The following TBC1D9 variants were observed in gnomAD, a reference collection of about 807,000 sequenced individuals.
The protein encoded by TBC1D9 is TBC1 domain family member 9.
In TBC1D9, 63 loss-of-function variants were observed where a neutral mutation model predicts 132.0. The observed-to-expected ratio is 0.48, with a 90% CI of 0.39 to 0.59. The LOEUF is 0.59. TBC1D9 is among the 20% of genes least tolerant of loss of function. The pLI is 0.00. For synonymous variants in TBC1D9, 610 were observed against 609.9 expected (o/e 1.00, Z 0.00); for missense variants, 1,261 against 1,592.7 (o/e 0.79, Z 3.54).
At chr4:140,688,583 A>G (rs192089760) in intron 2 of TBC1D9, among the ~76,000 whole-genome samples, 83 of 152,160 alleles carry the variant, frequency 5.5e-4, no homozygotes, top group Non-Finnish European at 9.9e-4. Flanking sequence ...GTGGGAGGAT[A>G]GCTCGAACCC....
chr4:140,697,152 G>A (rs1055139098), intron 2 of TBC1D9, among the ~76,000 whole-genome samples: 7 of 152,222 alleles, frequency 4.6e-5, no homozygotes, highest in East Asian at 3.9e-4. Flanking sequence ...TGAGGCAGGC[G>A]GATGGCTTGA....
intron 1 of TBC1D9, among the ~76,000 whole-genome samples, chr4:140,710,107 T>C (rs1738218781): frequency 6.6e-6 from 1 of 152,194 alleles, no homozygotes; most frequent in African/African-American, 2.4e-5. Context: ...CACGCAATTC[T>C]ATAACTCTCA....
intron 1 of TBC1D9, among the ~76,000 whole-genome samples, chr4:140,734,027 T>C (rs1479397172): frequency 6.6e-6 from 1 of 152,192 alleles, no homozygotes; most frequent in East Asian, 1.9e-4. Flanking sequence ...ATACTATCCT[T>C]ACATGGTAAA....
chr4:140,747,688 G>A (rs1738859479), intron 1 of TBC1D9, among the ~76,000 whole-genome samples: 1 of 152,198 alleles, frequency 6.6e-6, no homozygotes, highest in Non-Finnish European at 1.5e-5. Context: ...ATAAGGGGCT[G>A]CTGAGTAAGC....
At chr4:140,684,231 G>C (rs1737747322) in intron 3 of TBC1D9, among the ~76,000 whole-genome samples, 1 of 144,366 alleles carries the variant, frequency 6.9e-6, no homozygotes, top group South Asian at 2.2e-4. Flanking sequence ...GTGAGTCTCT[G>C]TCCCTAATTA....
intron 1 of TBC1D9, among the ~76,000 whole-genome samples, chr4:140,738,978 C>G (rs926510112): frequency 6.6e-6 from 1 of 152,130 alleles, no homozygotes; most frequent in African/African-American, 2.4e-5. Flanking sequence ...TCTACTAGCT[C>G]CCTCATTTCC....
At chr4:140,663,522 C>T (rs1737397832) in intron 9 of TBC1D9, among the ~76,000 whole-genome samples, 2 of 152,110 alleles carry the variant, frequency 1.3e-5, no homozygotes, top group Non-Finnish European at 2.9e-5. Context: ...CCTTATGATC[C>T]AGTAATCCCA....
chr4:140,719,427 A>C (rs748204800), intron 1 of TBC1D9, among the ~76,000 whole-genome samples: 6 of 152,234 alleles, frequency 3.9e-5, no homozygotes, highest in African/African-American at 7.2e-5. Flanking sequence ...GCGTCAAGAC[A>C]TAAACTTGCA....
intron 3 of TBC1D9, among the ~76,000 whole-genome samples, chr4:140,680,294 T>C (rs1484260957): frequency 2.0e-5 from 3 of 152,112 alleles, no homozygotes; most frequent in African/African-American, 7.2e-5. Context: ...ACACTCACTG[T>C]CTCAGGGCCA....
At chr4:140,662,254 G>T in intron 9 of TBC1D9, 147 bp from the exon 10 acceptor site, 1 of 736,994 alleles carries the variant, frequency 1.4e-6, no homozygotes, top group Non-Finnish European at 2.4e-6. Context: ...GTGGTATGTT[G>T]CAATCGTGGC....
intron 2 of TBC1D9, chr4:140,700,996 A>C (rs942358825): frequency 6.4e-6 from 1 of 155,460 alleles, no homozygotes; most frequent in Non-Finnish European, 1.4e-5. Context: ...ACTGATTATC[A>C]TCAGGAGAAA....
intron 1 of TBC1D9, among the ~76,000 whole-genome samples, chr4:140,715,035 T>C (rs1738312182): frequency 6.6e-6 from 1 of 152,070 alleles, no homozygotes; most frequent in African/African-American, 2.4e-5. Flanking sequence ...GGTGGGAGGA[T>C]TTTTTGAGGC....
intron 13 of TBC1D9, chr4:140,643,152 A>T: frequency 1.4e-6 from 2 of 1,440,146 alleles, no homozygotes; most frequent in Non-Finnish European, 1.9e-6. Flanking sequence ...CACCTCCCTC[A>T]GCATGTGGCT....
intron 13 of TBC1D9, among the ~76,000 whole-genome samples, chr4:140,651,495 T>C (rs1244514680): frequency 6.6e-6 from 1 of 151,976 alleles, no homozygotes; most frequent in Non-Finnish European, 1.5e-5. Context: ...AACTTGCTAA[T>C]GTTATAACTG....
At chr4:140,725,030 C>A (rs1738476764) in intron 1 of TBC1D9, among the ~76,000 whole-genome samples, 1 of 152,154 alleles carries the variant, frequency 6.6e-6, no homozygotes, top group Non-Finnish European at 1.5e-5. Flanking sequence ...AATGCATATA[C>A]CAATGGCCCT....
At chr4:140,631,801 T>C (rs1345102654) in intron 16 of TBC1D9, among the ~76,000 whole-genome samples, 1 of 152,126 alleles carries the variant, frequency 6.6e-6, no homozygotes, top group East Asian at 1.9e-4. Flanking sequence ...CTTACCACGT[T>C]GGCCAGGATG....
intron 1 of TBC1D9, among the ~76,000 whole-genome samples, chr4:140,716,298 G>A (rs146403229): frequency 1.3e-5 from 2 of 152,204 alleles, no homozygotes; most frequent in Middle Eastern, 3.4e-3. Flanking sequence ...ACCAGCAAGG[G>A]CAACACAGTG....
At chr4:140,658,584 C>T (rs12648698) in intron 11 of TBC1D9, among the ~76,000 whole-genome samples, 17,486 of 151,918 alleles carry the variant, frequency 0.12, 1,077 homozygotes, top group Non-Finnish European at 0.14. Flanking sequence ...CTGAGGCAGG[C>T]GGATCACCTG....
At chr4:140,644,124 G>T in intron 13 of TBC1D9, 1 of 377,898 alleles carries the variant, frequency 2.6e-6, no homozygotes, top group Non-Finnish European at 5.1e-6. Flanking sequence ...GGCGGCCACT[G>T]TGGGCTGCCC....
Sources: allele counts gnomAD v4.1 joint callset (sites outside exome capture counted in the v4.1 genomes callset), GRCh38; gene constraint gnomAD v4.1.1; transcripts MANE v1.5; gene names NCBI Gene and HGNC (gene_info 2026-07-23, HGNC 2026-07-21).